The following ACSM2B variants were observed in gnomAD, a reference collection of about 807,000 sequenced individuals.
ACSM2B encodes the protein acyl-coenzyme A synthetase ACSM2B, mitochondrial.
Under a neutral mutation model 78.6 loss-of-function variants are expected in ACSM2B, and 58 were observed. The ratio of observed to expected loss-of-function variants is 0.74; its 90% CI spans 0.60 to 0.92. The LOEUF (loss-of-function observed/expected upper bound fraction) is 0.92, where lower values mean the gene tolerates loss of function less well. Ranked by LOEUF, ACSM2B falls within the 40% of genes least tolerant of loss-of-function variation. The pLI is 0.00. For synonymous variants in ACSM2B, 257 were observed against 256.8 expected, an observed-to-expected ratio of 1.00 and a Z score of -0.01; for missense variants, 688 against 711.2, an observed-to-expected ratio of 0.97 and a Z score of 0.37.
rs1346562351 is a variant in ACSM2B at position 20,559,433 on chromosome 16, G to A, written c.192C>T (p.Leu64=). 2.5e-6 allele frequency: 4 copies of A among 1,612,812 alleles called. No homozygotes were observed. Among genetic ancestry groups the A allele is most frequent in the East Asian group, 4.5e-5 (2 of 44,896 alleles). Residue 64 remains leucine (L), a synonymous_variant, in exon 3 of 14, where the codon CTC becomes CTT. Transcript: ENST00000329697. ...TCACCCACCACAGGGCTGGGCTTGG[G>A]AGTCGCTTGCCAGCCTGAGGAAAGA... ...WADMEKAGKR[L]PSPALWWVNG... is the part of the protein sequence containing the mutation.
chr16:20,552,181 T>C lies in ACSM2B; in HGVS notation c.857A>G (p.His286Arg). The change falls in exon 6 of 14, where the codon CAT becomes CGT. Residue 286 changes from histidine to arginine, a missense_variant. Physicochemically the swap from His to Arg is conservative, Grantham distance 29 (BLOSUM62 0). Coordinates refer to ENST00000329697, the MANE Select transcript of ACSM2B (RefSeq NM_001105069.2). Reference protein sequence around the residue: ...SWTLGACTFVHLLPKFDPLVI... With the variant: ...SWTLGACTFVRLLPKFDPLVI... The stretch of plus-strand genomic sequence containing the variant: ...CAGTGGGTCAAACTTTGGCAAGAGA[T>C]GAACAAATGTGCATGCTCCTAATGT... 1 of 1,613,648 alleles carries C rather than the reference T, an allele frequency of 6.2e-7. No individual in the cohort carries two copies. The highest frequency in any genetic ancestry group is 8.5e-7 in the Non-Finnish European group (1 of 1,179,726).
At position 20,553,866 on chromosome 16, in the gene ACSM2B, G is replaced by A; in HGVS notation, c.651C>T (p.Ala217=). 1 of 1,613,954 alleles carries A rather than the reference G, an allele frequency of 6.2e-7. No homozygotes were observed. Among genetic ancestry groups the A allele is most frequent in the Non-Finnish European group, 8.5e-7 (1 of 1,179,884 alleles). The part of the protein sequence containing the change: ...CVETGSQEAS[A]IYFTSGTSGL... ...CACTGGTCCCACTAGTGAAGTAGAT[G>A]GCAGATGCTTCCTGGCTTCCAGTCT... The change falls in exon 5 of 14, where the codon GCC becomes GCT. Residue 217 remains alanine (A), a synonymous_variant. Transcript: ENST00000329697.
At chr16:20,570,983 C>T (rs1246792936) in intron 1 of ACSM2B, among the ~76,000 whole-genome samples, 2 of 151,626 alleles carry the variant, frequency 1.3e-5, no homozygotes, top group African/African-American at 4.8e-5. Context: ...GTTAATCTTC[C>T]TAATGGTCTA....
chr16:20,537,180 A>T lies in ACSM2B; in HGVS notation c.*78T>A. 6.5e-7 allele frequency: 1 copy of T among 1,530,574 alleles called. No homozygotes were observed. The highest frequency in any genetic ancestry group is 9.0e-7 in the Non-Finnish European group (1 of 1,112,246). 94.8% of individuals were successfully genotyped at this position (1,530,574 alleles called of 1,614,324 possible). ...GTTCTTTCATAAAGAATCTCATATC[A>T]TCATAGTAAGGCCAAGGGCCCAAAG... On this transcript the variant is annotated 3_prime_UTR_variant, in exon 14 of 14. Transcript: ENST00000329697.
At chr16:20,562,628 C>A (rs2015697970) in intron 2 of ACSM2B, among the ~76,000 whole-genome samples, 1 of 152,084 alleles carries the variant, frequency 6.6e-6, no homozygotes, top group African/African-American at 2.4e-5. Flanking sequence ...GGACCTAAAC[C>A]CTTTTGTGAA....
chr16:20,551,630 C>T (rs2015313327), intron 6 of ACSM2B, among the ~76,000 whole-genome samples: 1 of 151,798 alleles, frequency 6.6e-6, no homozygotes, highest in African/African-American at 2.4e-5. Flanking sequence ...TTATAGTAGC[C>T]CAAGCTGACT....
chr16:20,559,488 C>A, intron 2 of ACSM2B, 41 bp from the exon 3 acceptor site: 4 of 1,602,820 alleles, frequency 2.5e-6, no homozygotes, highest in Non-Finnish European at 3.4e-6. Context: ...GGCATTGGTA[C>A]ACAAGCAGGT....
At chr16:20,557,311 C>T (rs12933756) in intron 3 of ACSM2B, among the ~76,000 whole-genome samples, 6 of 152,256 alleles carry the variant, frequency 3.9e-5, no homozygotes, top group Non-Finnish European at 7.4e-5. Context: ...TATATCTGTG[C>T]TCTTCACTCC....
chr16:20,543,039 A>T lies in ACSM2B; in HGVS notation c.1410-26T>A, dbSNP rs367563401. The T allele has an allele frequency of 7.4e-6, 12 of 1,613,392 alleles. No homozygotes were observed. The African/African-American group carries it at 1.5e-4, about 20-fold the overall frequency. On this transcript the variant is annotated intron_variant, in intron 11 of 13. Coordinates refer to ENST00000329697, the MANE Select transcript of ACSM2B (RefSeq NM_001105069.2). ...CTGCAGAAGAACCTGTCCTTCAGAGAACACTGGACACCGAACCTCTAGGCC... is the reference window on the plus strand; with the variant it reads ...CTGCAGAAGAACCTGTCCTTCAGAGTACACTGGACACCGAACCTCTAGGCC...
chr16:20,559,884 CCAACATGTAT>C (rs1385282214), intron 2 of ACSM2B, among the ~76,000 whole-genome samples: 1 of 150,754 alleles, frequency 6.6e-6, no homozygotes, highest in East Asian at 1.9e-4. Flanking sequence ...GTTGTGAGTA[CCAACATGTAT>C]CTTCTGGAAA....
chr16:20,548,562 A>T (rs2015213536), intron 6 of ACSM2B, 89 bp from the exon 7 acceptor site: 2 of 1,603,338 alleles, frequency 1.2e-6, no homozygotes, highest in South Asian at 1.1e-5. Context: ...TGAGCTATGG[A>T]GTTGTAGAGG....
At chr16:20,550,027 T>C (rs1469029072) in intron 6 of ACSM2B, 2 of 260,054 alleles carry the variant, frequency 7.7e-6, no homozygotes, top group Non-Finnish European at 1.5e-5. Flanking sequence ...AAAGTCTATA[T>C]TGATGTTAAT....
Position 20,548,330 on chromosome 16 carries a change from A to C in ACSM2B, c.974+64T>G. Reference sequence around the variant, plus strand: ...GAGAGATTCAGATAGATAGGCATGAATGTATGTGAGGGAGTCAGGGGGATG... The same window carrying C: ...GAGAGATTCAGATAGATAGGCATGACTGTATGTGAGGGAGTCAGGGGGATG... On this transcript the variant is annotated intron_variant, in intron 7 of 13. Transcript: ENST00000329697. The C allele has an allele frequency of 3.1e-6, 5 of 1,608,730 alleles. No homozygotes were observed. In the South Asian group the frequency reaches 5.5e-5, roughly 18 times the overall value.
At chr16:20,545,396 G>A (rs146738165) in intron 9 of ACSM2B, 138 bp from the exon 10 acceptor site, 4 of 969,970 alleles carry the variant, frequency 4.1e-6, no homozygotes, top group African/African-American at 3.3e-5. Context: ...AAAACCAAGG[G>A]AACCCAAGAG....
chr16:20,567,473 G>C (rs1169853635), intron 1 of ACSM2B, among the ~76,000 whole-genome samples: 1 of 103,832 alleles, frequency 9.6e-6, no homozygotes, highest in Non-Finnish European at 1.8e-5. Flanking sequence ...TATAATAATA[G>C]TATAACAGTA....
At chr16:20,554,317 G>T (rs1567211351) in intron 4 of ACSM2B, 3 of 369,414 alleles carry the variant, frequency 8.1e-6, no homozygotes, top group South Asian at 6.6e-5. Context: ...ACACCAAGTG[G>T]ACAGGAGGGG....
rs368967981 is a variant in ACSM2B, at chr16:20,555,010, G to A, written c.596+259C>T. 1.1e-3 allele frequency among the ~76,000 whole-genome samples: 175 copies of A among 152,232 alleles called. 5 individuals carry two copies. The South Asian group carries it at 0.035, about 31-fold the overall frequency. On this transcript the variant is annotated intron_variant, in intron 4 of 13. Transcript: ENST00000329697. ...GAGGACCAGATGCTAATGATTCAGT[G>A]CTTTTCAATCCTTTAGAGGACAATC...
At chr16:20,574,170 T>G (rs2016178938) in intron 1 of ACSM2B, 1 of 152,032 alleles carries the variant, frequency 6.6e-6, no homozygotes, top group African/African-American at 2.4e-5. Flanking sequence ...TTCAGCAATA[T>G]TTCTCCTACT....
intron 12 of ACSM2B, 105 bp from the exon 13 acceptor site, chr16:20,540,878 C>A: frequency 6.8e-7 from 1 of 1,464,238 alleles, no homozygotes; most frequent in Non-Finnish European, 9.2e-7. Flanking sequence ...TGTATCTACT[C>A]ATTTGCACCC....
Sources: allele counts gnomAD v4.1 joint callset (sites outside exome capture counted in the v4.1 genomes callset), GRCh38; gene constraint gnomAD v4.1.1; transcripts MANE v1.5; gene names NCBI Gene and HGNC (gene_info 2026-07-23, HGNC 2026-07-21).